The following NECAP1 variants were observed in gnomAD, a reference collection of about 807,000 sequenced individuals.
The protein encoded by NECAP1 is NECAP endocytosis associated 1, also known as adaptin ear-binding coat-associated protein 1.
NECAP1 carries 13 observed loss-of-function variants against 33.4 expected under a neutral mutation model. That is an observed-to-expected ratio of 0.39 (90% CI 0.25 to 0.62). The LOEUF (loss-of-function observed/expected upper bound fraction) is 0.62, where lower values mean the gene tolerates loss of function less well. Among genes scored for constraint, NECAP1 ranks in the 20% least tolerant of loss-of-function variants. NECAP1 has a pLI of 0.52. For missense variants in NECAP1, 272 were observed against 347.4 expected (o/e 0.78, Z 1.73); for synonymous variants, 109 against 125.2 (o/e 0.87, Z 0.86).
chr12:8,089,823 G>A (rs911852176), intron 1 of NECAP1, 113 bp from the exon 2 acceptor site: 17 of 777,172 alleles, frequency 2.2e-5, no homozygotes, highest in Non-Finnish European at 3.6e-5. Context: ...TTGATTAATA[G>A]GTAGAAAGAA....
At chr12:8,090,434 A>T in intron 3 of NECAP1, 135 bp downstream of exon 3, 1 of 735,034 alleles carries the variant, frequency 1.4e-6, no homozygotes, top group Non-Finnish European at 2.2e-6. Context: ...AAGTTGCTCT[A>T]GTTGCTAAAG....
chr12:8,092,830 C>A, intron 5 of NECAP1, 42 bp from the exon 6 acceptor site: 1 of 1,586,250 alleles, frequency 6.3e-7, no homozygotes, highest in Non-Finnish European at 8.6e-7. Context: ...CTTCCATAAG[C>A]CTATGACATC....
chr12:8,086,487 A>G (rs1947491054), intron 1 of NECAP1, among the ~76,000 whole-genome samples: 1 of 151,526 alleles, frequency 6.6e-6, no homozygotes, highest in African/African-American at 2.4e-5. Context: ...GGTGGCGCAC[A>G]CCTGTAGTCC....
chr12:8,090,220 A>G lies in NECAP1; in HGVS notation c.222A>G (p.Val74=). Residue 74 remains valine, a synonymous_variant, in exon 3 of 8, where the codon GTA becomes GTG. Transcript: ENST00000339754. ...VSGELFAQAP[V]EQYPGIAVET... is the part of the protein sequence containing the mutation. ...GGGAGCTCTTTGCTCAGGCACCAGT[A>G]GAACAATATCCTGGTATTGCTGTGG... 1 of 1,614,232 alleles carries G rather than the reference A, an allele frequency of 6.2e-7. No individual in the cohort carries two copies. Among genetic ancestry groups the G allele is most frequent in the Non-Finnish European group, 8.5e-7 (1 of 1,180,042 alleles).
At chr12:8,083,707 C>T (rs1478243760) in intron 1 of NECAP1, among the ~76,000 whole-genome samples, 4 of 145,376 alleles carry the variant, frequency 2.8e-5, no homozygotes, top group Admixed American at 6.9e-5. Flanking sequence ...GGATTACAGG[C>T]GTGACACCAC....
At position 8,086,332 on chromosome 12, in the gene NECAP1, G is replaced by A. The variant is rs756742804; in HGVS notation, c.96-3604G>A. ...TTTGGGTTGACAAGAAACTTATCAGGCTGAGTGCGGTGGCTCATATCTGTA... is the reference window on the plus strand; with the variant it reads ...TTTGGGTTGACAAGAAACTTATCAGACTGAGTGCGGTGGCTCATATCTGTA... On this transcript the variant is annotated intron_variant, in intron 1 of 7. Transcript: ENST00000339754. Among the ~76,000 whole-genome samples the A allele has an allele frequency of 2.0e-4, 30 of 152,304 alleles. No homozygotes were observed. In the East Asian group the frequency reaches 5.6e-3, roughly 28 times the overall value.
chr12:8,090,591 C>T, intron 3 of NECAP1: 13 of 287,010 alleles, frequency 4.5e-5, no homozygotes, highest in Non-Finnish European at 8.2e-5. Flanking sequence ...GGTGGATCAC[C>T]TGAGGTCAGG....
rs994042866 is a variant in NECAP1 at position 8,086,944 on chromosome 12, C to T, written c.96-2992C>T. On this transcript the variant is annotated intron_variant, in intron 1 of 7. Transcript: ENST00000339754. ...AGACTCTATTACACACACACACACA[C>T]ACACACACACACACACAAATAAATA... is the stretch of plus-strand genomic sequence containing the variant. 3.3e-5 allele frequency among the ~76,000 whole-genome samples: 5 copies of T among 151,558 alleles called. 1 individual carries two copies.
intron 1 of NECAP1, among the ~76,000 whole-genome samples, chr12:8,084,600 C>T (rs116297505): frequency 0.013 from 2,014 of 152,056 alleles, 50 homozygotes; most frequent in African/African-American, 0.046. Context: ...TGTGCCCATG[C>T]GTTCTCACTG....
At position 8,082,283 on chromosome 12, in the gene NECAP1, C is replaced by T. The variant is rs987284640; in HGVS notation, c.-6C>T. 3 of 1,587,874 alleles carry T rather than the reference C, an allele frequency of 1.9e-6. No homozygotes were observed. Among genetic ancestry groups the T allele is most frequent in the Non-Finnish European group, 2.6e-6 (3 of 1,158,180 alleles). On this transcript the variant is annotated 5_prime_UTR_variant, in exon 1 of 8. Transcript: ENST00000339754. ...CGCCCCCGGCAGCGCCGACAGCGGACCCAAGATGGCGACCGAGTTGGAGTA... is the reference window on the plus strand; with the variant it reads ...CGCCCCCGGCAGCGCCGACAGCGGATCCAAGATGGCGACCGAGTTGGAGTA...
At chr12:8,089,759 T>G (rs1947525046) in intron 1 of NECAP1, 177 bp from the exon 2 acceptor site, 2 of 564,762 alleles carry the variant, frequency 3.5e-6, no homozygotes, top group Non-Finnish European at 6.3e-6. Flanking sequence ...GTCTTTTACT[T>G]GCTTTGGACT....
chr12:8,095,174 A>AG (rs1947583113), intron 6 of NECAP1: 1 of 168,500 alleles, frequency 5.9e-6, no homozygotes, highest in African/African-American at 2.4e-5. Flanking sequence ...ACCATTATGA[A>AG]TAAAGCTGCC....
Position 8,092,925 on chromosome 12 carries a change from G to A in NECAP1, c.546G>A (p.Gly182=), listed in dbSNP as rs1327798217. The change falls in exon 6 of 8, where the codon GGG becomes GGA. Residue 182 remains glycine (G), a synonymous_variant. Coordinates refer to ENST00000339754, the MANE Select transcript of NECAP1 (RefSeq NM_015509.4). ...CTAAGCCCAGGACTGCAAGGGGTGG[G>A]GGTCTGAGCTTACTCCCACCCCCGC... ...GASKPRTARG[G]GLSLLPPPPG... 6.3e-6 allele frequency: 10 copies of A among 1,594,780 alleles called. No individual in the cohort carries two copies. Among genetic ancestry groups the A allele is most frequent in the Admixed American group, 1.8e-5 (1 of 57,090 alleles).
At position 8,085,686 on chromosome 12, in the gene NECAP1, CTTTTTTTTTTTT is replaced by C. The variant is rs554942626; in HGVS notation, c.95+3321_95+3332del. 2.3e-3 allele frequency among the ~76,000 whole-genome samples: 239 copies of C among 104,846 alleles called. 2 individuals carry two copies. The highest frequency in any genetic ancestry group is 2.8e-3 in the Non-Finnish European group (158 of 57,052). The allele number at this position is 104,846 out of a possible 152,430, so 68.8% of individuals were successfully genotyped here. A position where few individuals can be genotyped will look rare whatever the true frequency, so the allele number is the denominator to read the frequency against. ...TTGTAGGATCCTCTCACTTAATCTT[CTTTTTTTTTTTT>C]TTTTTTTTTTTTTTTTTGTTGTTGA... On this transcript the variant is annotated intron_variant, in intron 1 of 7. Coordinates refer to ENST00000339754, the MANE Select transcript of NECAP1 (RefSeq NM_015509.4).
At chr12:8,090,801 C>CAA (rs746163839) in intron 3 of NECAP1, 4 of 129,266 alleles carry the variant, frequency 3.1e-5, no homozygotes, top group East Asian at 2.2e-4. Context: ...AACTCCATCT[C>CAA]AAAAAAAAAA....
At chr12:8,083,478 G>A (rs1222613487) in intron 1 of NECAP1, among the ~76,000 whole-genome samples, 3 of 131,360 alleles carry the variant, frequency 2.3e-5, no homozygotes, top group Middle Eastern at 4.3e-3. Flanking sequence ...TGCCCAGGCC[G>A]GAGCGCAATG....
rs905792137 is a variant in NECAP1 at position 8,092,686 on chromosome 12, C to A, written c.394C>A (p.Gln132Lys). 6.2e-7 allele frequency: 1 copy of A among 1,612,398 alleles called. No homozygotes were observed. The highest frequency in any genetic ancestry group is 8.5e-7 in the Non-Finnish European group (1 of 1,178,830). ...GCTGTGTTCCCAAAGGTGGGTAAAG[C>A]AGGAATCTGAGATTTCCAAGGAATC... Reference protein sequence around the residue: ...SLQDHFKWVKQESEISKESQE... With the variant: ...SLQDHFKWVKKESEISKESQE... Residue 132 changes from glutamine to lysine, a missense_variant, in exon 5 of 8, where the codon CAG (glutamine) becomes AAG (lysine). Transcript: ENST00000339754.
rs1947559926 is a variant in NECAP1 at position 8,092,598 on chromosome 12, G to A, written c.384-78G>A. On this transcript the variant is annotated intron_variant, in intron 4 of 7. Coordinates refer to ENST00000339754, the MANE Select transcript of NECAP1 (RefSeq NM_015509.4). ...TTTTCTGGAATCTCATTTCATAAAA[G>A]TAAATACACCCAAATTTGTATGTCA... The A allele has an allele frequency of 2.8e-6, 3 of 1,052,864 alleles. No homozygotes were observed. In the East Asian group the frequency reaches 7.7e-5, roughly 27 times the overall value. The allele number at this position is 1,052,864 out of a possible 1,614,324, so 65.2% of individuals were successfully genotyped here. A position where few individuals can be genotyped will look rare whatever the true frequency, so the allele number is the denominator to read the frequency against.
intron 1 of NECAP1, among the ~76,000 whole-genome samples, chr12:8,085,603 T>C (rs777185467): frequency 1.3e-5 from 2 of 151,370 alleles, no homozygotes; most frequent in African/African-American, 4.9e-5. Flanking sequence ...CTTTGGCAAA[T>C]CACCACTTTT....
Sources: gnomAD v4.1 joint callset for allele counts (sites outside exome capture counted in the v4.1 genomes callset) on GRCh38, gnomAD v4.1.1 for gene constraint, MANE v1.5 for transcripts, NCBI Gene and HGNC (gene_info 2026-07-23, HGNC 2026-07-21) for gene names.